The following DCAKD variants were observed in gnomAD, a reference collection of about 807,000 sequenced individuals.
DCAKD encodes dephospho-CoA kinase domain containing.
Under a neutral mutation model 18.7 loss-of-function variants are expected in DCAKD, and 15 were observed. The observed-to-expected ratio is 0.80, with a 90% CI of 0.54 to 1.24. The LOEUF (loss-of-function observed/expected upper bound fraction) is 1.24. DCAKD is among the 50% of genes most tolerant of loss of function. DCAKD has a pLI of 0.00. For synonymous variants in DCAKD, 130 were observed against 133.0 expected, an observed-to-expected ratio of 0.98 and a Z score of 0.16; for missense variants, 301 against 322.0, an observed-to-expected ratio of 0.93 and a Z score of 0.50.
At position 45,036,827 on chromosome 17, in the gene DCAKD, C is replaced by T. The variant is rs139478038; in HGVS notation, c.-114-1828G>A. ...CAATTAAATCAAAGGCCAGGTCTCT[C>T]CCACCCTTCCTTCAGCCTCAAATCA... On this transcript the variant is annotated intron_variant, in intron 1 of 4. Transcript: ENST00000651974. Among the ~76,000 whole-genome samples the T allele has an allele frequency of 3.2e-3, 481 of 152,302 alleles. 3 individuals carry two copies. The highest frequency in any genetic ancestry group is 3.4e-3 in the Middle Eastern group (1 of 294).
chr17:45,041,316 CTTT>C (rs1156656073), intron 1 of DCAKD, among the ~76,000 whole-genome samples: 1 of 145,384 alleles, frequency 6.9e-6, no homozygotes, highest in Admixed American at 6.9e-5. Flanking sequence ...CATGCGGGCT[CTTT>C]TTTTTTTTTT....
Position 45,034,915 on chromosome 17 carries a change from T to C in DCAKD, c.-30A>G, listed in dbSNP as rs2053258817. 1 of 1,610,194 alleles carries C rather than the reference T, an allele frequency of 6.2e-7. No homozygotes were observed. Among genetic ancestry groups the C allele is most frequent in the Admixed American group, 1.7e-5 (1 of 59,808 alleles). Reference sequence around the variant, plus strand: ...CAGGAAAGAGAGCTGTCCGCGAGACTACGGAGCCAGGAGCTACAGAATCAC... The same window carrying C: ...CAGGAAAGAGAGCTGTCCGCGAGACCACGGAGCCAGGAGCTACAGAATCAC... On this transcript the variant is annotated 5_prime_UTR_variant, in exon 2 of 5. Coordinates refer to ENST00000651974, the MANE Select transcript of DCAKD (RefSeq NM_001288655.2).
chr17:45,048,889 C>T (rs1260968857), intron 1 of DCAKD, among the ~76,000 whole-genome samples: 1 of 151,854 alleles, frequency 6.6e-6, no homozygotes, highest in Non-Finnish European at 1.5e-5. Context: ...ATTCTTTATT[C>T]CATTATTTTC....
At position 45,034,265 on chromosome 17, in the gene DCAKD, GC is replaced by G. The variant is rs2053238286; in HGVS notation, c.237del (p.Arg80GlyfsTer16). ...LGDLIFNQPDRRQLLNAITHP... is the reference protein window; with the variant it reads ...LGDLIFNQPDXRQLLNAITHP... ...TGGGTGATGGCGTTGAGCAGCTGCC[GC>G]CGGTCAGGCTGGTTAAAGATCAGGT... On this transcript the variant is annotated frameshift_variant, in exon 3 of 5. Transcript: ENST00000651974. LOFTEE classifies it high-confidence loss of function. The G allele has an allele frequency of 1.2e-6, 2 of 1,614,156 alleles. No homozygotes were observed. The highest frequency in any genetic ancestry group is 1.7e-6 in the Non-Finnish European group (2 of 1,180,032).
chr17:45,034,233 C>A lies in DCAKD; in HGVS notation c.270G>T (p.Glu90Asp), dbSNP rs2053236842. The A allele has an allele frequency of 6.2e-7, 1 of 1,614,010 alleles. No homozygotes were observed. The highest frequency in any genetic ancestry group is 8.5e-7 in the Non-Finnish European group (1 of 1,180,026). ...TCTCCTTCATCATCTCCTTGCGAAT[C>A]TCGGGGTGGGTGATGGCGTTGAGCA... ...RQLLNAITHP[E>D]IRKEMMKETF... The change falls in exon 3 of 5, where the codon GAG becomes GAT. Residue 90 changes from glutamate to aspartate, a missense_variant. Glu to Asp is a conservative substitution (Grantham distance 45, BLOSUM62 2). Coordinates refer to ENST00000651974, the MANE Select transcript of DCAKD (RefSeq NM_001288655.2).
chr17:45,043,862 G>A (rs2053498489), intron 1 of DCAKD, among the ~76,000 whole-genome samples: 1 of 151,672 alleles, frequency 6.6e-6, no homozygotes, highest in African/African-American at 2.4e-5. Context: ...AATCCTCCTG[G>A]CCTCTCTCAC....
chr17:45,027,222 T>C (rs941074981), intron 4 of DCAKD, among the ~76,000 whole-genome samples: 2 of 152,180 alleles, frequency 1.3e-5, no homozygotes, highest in African/African-American at 4.8e-5. Flanking sequence ...ATGCCTGCAA[T>C]CCCAGCTACT....
intron 1 of DCAKD, among the ~76,000 whole-genome samples, chr17:45,048,702 A>G (rs535953041): frequency 1.3e-5 from 2 of 152,078 alleles, no homozygotes; most frequent in African/African-American, 4.8e-5. Flanking sequence ...GCTACTCAGG[A>G]GGCTGAGGCT....
intron 2 of DCAKD, 143 bp from the exon 3 acceptor site, chr17:45,034,533 T>C: frequency 9.9e-7 from 1 of 1,013,280 alleles, no homozygotes; most frequent in Non-Finnish European, 1.4e-6. Context: ...GAGAAAGCAG[T>C]GAAGGAAAAG....
At chr17:45,049,745 G>T (rs2053650893) in intron 1 of DCAKD, among the ~76,000 whole-genome samples, 1 of 112,950 alleles carries the variant, frequency 8.9e-6, no homozygotes, top group Admixed American at 1.2e-4. Context: ...TTGAAACAGA[G>T]TCTTGCTCTT....
chr17:45,032,225 A>G, intron 3 of DCAKD: 3 of 637,480 alleles, frequency 4.7e-6, no homozygotes, highest in Non-Finnish European at 5.9e-6. Flanking sequence ...GGCAGCACAA[A>G]GAGTCCAGAG....
At chr17:45,036,264 C>T (rs1482930250) in intron 1 of DCAKD, among the ~76,000 whole-genome samples, 1 of 152,218 alleles carries the variant, frequency 6.6e-6, no homozygotes, top group African/African-American at 2.4e-5. Flanking sequence ...CGCCTGTAAT[C>T]CCAGCACTTT....
At chr17:45,056,446 G>C (rs1160366053), upstream of DCAKD, among the ~76,000 whole-genome samples, 3 of 151,874 alleles carry the variant, frequency 2.0e-5, no homozygotes, top group Non-Finnish European at 4.4e-5. Context: ...AACCCAGGGA[G>C]TCACACTCTG....
At chr17:45,031,996 T>C (rs765229891) in intron 3 of DCAKD, 157 of 985,412 alleles carry the variant, frequency 1.6e-4, no homozygotes, top group Middle Eastern at 5.2e-4. Context: ...GTGGTGGTGG[T>C]TGGGGAGGCG....
In DCAKD at chr17:45,060,102, TCAAAACAAAA is replaced by T. The variant is rs372398471; in HGVS notation, c.-118+776_-118+785del. On this transcript the variant is annotated intron_variant, in intron 1 of 4. Coordinates refer to the DCAKD transcript ENST00000310604. Reference sequence around the variant, plus strand: ...CTGGGAGTCAGAGAGAGACTCCGTCTCAAAACAAAACAAAACAAAACAAAGGTTGAATAAT... The same window carrying T: ...CTGGGAGTCAGAGAGAGACTCCGTCTCAAAACAAAACAAAGGTTGAATAAT... 4.8e-3 allele frequency among the ~76,000 whole-genome samples: 727 copies of T among 152,098 alleles called. 2 individuals are homozygous for T. The highest frequency in any genetic ancestry group is 0.016 in the African/African-American group (654 of 41,502).
intron 4 of DCAKD, among the ~76,000 whole-genome samples, chr17:45,028,066 C>T (rs2053093591): frequency 1.3e-5 from 2 of 150,696 alleles, no homozygotes; most frequent in African/African-American, 2.4e-5. Context: ...GGTGAATGCA[C>T]ATGCAGGTGT....
rs1291841234 is a variant in DCAKD at position 45,034,951 on chromosome 17, G to C, written c.-66C>G. On this transcript the variant is annotated 5_prime_UTR_variant, in exon 2 of 5. Coordinates refer to ENST00000651974, the MANE Select transcript of DCAKD (RefSeq NM_001288655.2). ...GAGCTACAGAATCACTGGAGAGCAG[G>C]GCAAGTGTGGCCGATGGGGGCGGTC... The C allele has an allele frequency of 1.3e-6, 2 of 1,555,966 alleles. No homozygotes were observed. Among genetic ancestry groups the C allele is most frequent in the African/African-American group, 2.7e-5 (2 of 73,748 alleles).
chr17:45,028,567 G>A (rs964552915), intron 4 of DCAKD, among the ~76,000 whole-genome samples: 10 of 149,960 alleles, frequency 6.7e-5, no homozygotes, highest in African/African-American at 1.7e-4. Flanking sequence ...GCACCACCAT[G>A]CCTGGCTAAT....
In DCAKD at chr17:45,034,254, G is replaced by T. The variant is rs1281444958; in HGVS notation, c.249C>A (p.Leu83=). The T allele has an allele frequency of 6.8e-6, 11 of 1,614,018 alleles. No individual in the cohort carries two copies. The highest frequency in any genetic ancestry group is 9.3e-6 in the Non-Finnish European group (11 of 1,180,030). Residue 83 remains leucine (L), a synonymous_variant, in exon 3 of 5, where the codon CTC becomes CTA. Transcript: ENST00000651974. ...IFNQPDRRQL[L]NAITHPEIRK... ...GAATCTCGGGGTGGGTGATGGCGTT[G>T]AGCAGCTGCCGCCGGTCAGGCTGGT...
Sources: gnomAD v4.1 joint callset for allele counts (sites outside exome capture counted in the v4.1 genomes callset) on GRCh38, gnomAD v4.1.1 for gene constraint, MANE v1.5 for transcripts, NCBI Gene and HGNC (gene_info 2026-07-23, HGNC 2026-07-21) for gene names.